The following HBS1L variants were observed in gnomAD, a reference collection of about 807,000 sequenced individuals.
HBS1L encodes HBS1 like translational GTPase.
HBS1L carries 55 observed loss-of-function variants against 88.9 expected under a neutral mutation model. That is an observed-to-expected ratio of 0.62 (90% CI 0.50 to 0.77). The LOEUF is 0.77. Ranked by LOEUF, HBS1L falls within the 30% of genes least tolerant of loss-of-function variation. The pLI is 0.00. For missense variants in HBS1L, 741 were observed against 829.3 expected (o/e 0.89, Z 1.31); for synonymous variants, 267 against 288.5 (o/e 0.93, Z 0.76).
chr6:135,043,848 T>C (rs1357053669), intron 2 of HBS1L, among the ~76,000 whole-genome samples: 1 of 152,228 alleles, frequency 6.6e-6, no homozygotes, highest in East Asian at 1.9e-4. Context: ...CTCATGTCAA[T>C]GGGCTATGAA....
At chr6:134,968,790 A>G (rs1774394844) in intron 16 of HBS1L, among the ~76,000 whole-genome samples, 2 of 151,868 alleles carry the variant, frequency 1.3e-5, no homozygotes, top group South Asian at 4.2e-4. Context: ...ATGGGAAAAG[A>G]GCAGGCACTA....
intron 2 of HBS1L, among the ~76,000 whole-genome samples, chr6:135,046,334 A>T (rs1776910695): frequency 6.7e-6 from 1 of 148,528 alleles, no homozygotes; most frequent in South Asian, 2.2e-4. Flanking sequence ...TAATTTATAA[A>T]TGTATTAGAA....
intron 4 of HBS1L, among the ~76,000 whole-genome samples, chr6:135,024,929 C>T (rs1013825761): frequency 9.2e-5 from 14 of 152,088 alleles, no homozygotes; most frequent in Non-Finnish European, 2.9e-5. Context: ...TTAGTGGCAT[C>T]AAGTTGACAT....
In HBS1L at chr6:134,963,775, G is replaced by A. The variant is rs1406254545; in HGVS notation, c.*1504C>T. On this transcript the variant is annotated 3_prime_UTR_variant, in exon 18 of 18. Coordinates refer to ENST00000367837, the MANE Select transcript of HBS1L (RefSeq NM_006620.4). ...AACCAGCACCAGGGAAGGCAGAGTG[G>A]AGATGAGTCCTTGCTAACATTGTGT... is the stretch of plus-strand genomic sequence containing the variant. 6.6e-6 allele frequency: 1 copy of A among 152,148 alleles called. No homozygotes were observed. Among genetic ancestry groups the A allele is most frequent in the Non-Finnish European group, 1.5e-5 (1 of 68,062 alleles). The allele number at this position is 152,148 out of a possible 1,614,324, so 9.4% of individuals were successfully genotyped here.
At chr6:135,052,860 G>A (rs763635679) in intron 1 of HBS1L, among the ~76,000 whole-genome samples, 1 of 152,196 alleles carries the variant, frequency 6.6e-6, no homozygotes, top group African/African-American at 2.4e-5. Flanking sequence ...GAAAAACAAA[G>A]TGGGAGTTAA....
chr6:135,007,920 T>G (rs372768361), intron 4 of HBS1L, among the ~76,000 whole-genome samples: 12 of 152,194 alleles, frequency 7.9e-5, no homozygotes, highest in East Asian at 3.9e-4. Context: ...GCCCTACCAC[T>G]AATTAGCTGT....
At chr6:135,008,423 C>T (rs1426065723) in intron 4 of HBS1L, among the ~76,000 whole-genome samples, 1 of 152,210 alleles carries the variant, frequency 6.6e-6, no homozygotes, top group Non-Finnish European at 1.5e-5. Flanking sequence ...CCTTTCTCAT[C>T]CTCCAGCTAC....
At chr6:135,015,926 C>G (rs1419271163) in intron 4 of HBS1L, among the ~76,000 whole-genome samples, 2 of 149,026 alleles carry the variant, frequency 1.3e-5, no homozygotes, top group Admixed American at 6.7e-5. Context: ...GTTCTGTTGC[C>G]CAGGCTGGAG....
intron 4 of HBS1L, among the ~76,000 whole-genome samples, chr6:135,009,961 C>T (rs1383068246): frequency 6.6e-6 from 1 of 152,090 alleles, no homozygotes; most frequent in East Asian, 1.9e-4. Flanking sequence ...ATTAGTAAAA[C>T]TGTTTAGAAA....
chr6:134,961,089 G>GTTTTTTTTT lies in HBS1L; in HGVS notation c.*4189_*4190insAAAAAAAAA, dbSNP rs1213918240. 3.9e-5 allele frequency: 2 copies of GTTTTTTTTT among 50,994 alleles called. No homozygotes were observed. Among genetic ancestry groups the GTTTTTTTTT allele is most frequent in the African/African-American group, 7.5e-5 (1 of 13,388 alleles). 3.2% of individuals were successfully genotyped at this position (50,994 alleles called of 1,614,324 possible). On this transcript the variant is annotated 3_prime_UTR_variant, in exon 18 of 18. Coordinates refer to ENST00000367837, the MANE Select transcript of HBS1L (RefSeq NM_006620.4). ...TTTGCTGTACAGACTTAGTTTCTTT[G>GTTTTTTTTT]CTTTTTTTTTTTTTTTTTTTGCATT...
chr6:134,967,341 C>T (rs533250548), intron 16 of HBS1L, among the ~76,000 whole-genome samples: 62 of 152,156 alleles, frequency 4.1e-4, no homozygotes, highest in African/African-American at 1.3e-3. Context: ...AAAAATACAC[C>T]AAAAATTCCA....
chr6:135,019,276 A>G (rs1441189662), intron 4 of HBS1L, among the ~76,000 whole-genome samples: 1 of 151,990 alleles, frequency 6.6e-6, no homozygotes, highest in Non-Finnish European at 1.5e-5. Flanking sequence ...TGTGGAAACT[A>G]GCAGTGAGAA....
intron 4 of HBS1L, among the ~76,000 whole-genome samples, chr6:135,017,807 T>C (rs1474548965): frequency 6.6e-6 from 1 of 151,952 alleles, no homozygotes; most frequent in Non-Finnish European, 1.5e-5. Flanking sequence ...TACTCTGACA[T>C]TGTGAAAAGG....
At chr6:135,036,844 T>C (rs1776567947) in intron 4 of HBS1L, 4 of 1,551,806 alleles carry the variant, frequency 2.6e-6, no homozygotes, top group Non-Finnish European at 3.5e-6. Flanking sequence ...AGAGCCTTTG[T>C]TGTTTTTCTT....
At chr6:135,027,199 A>G (rs1014155156) in intron 4 of HBS1L, 5 of 141,960 alleles carry the variant, frequency 3.5e-5, no homozygotes, top group African/African-American at 1.5e-4. Context: ...AAAAAAAAAA[A>G]AAAAAAAAAA....
chr6:134,997,835 CA>C (rs1775336370), intron 5 of HBS1L, among the ~76,000 whole-genome samples, 179 bp from the exon 6 acceptor site: 1 of 152,056 alleles, frequency 6.6e-6, no homozygotes, highest in Admixed American at 6.6e-5. Context: ...TCAAACCACA[CA>C]AATACAACCG....
Position 134,997,437 on chromosome 6 carries a change from C to T in HBS1L, c.759G>A (p.Lys253=), listed in dbSNP as rs1181325922. ...QQIDVKAELE[K]RQGGKQLLNL... ...TGAGTAGCTGCTTCCCTCCTTGCCG[C>T]TTCTCCAGTTCCGCCTTCACATCTA... The change falls in exon 6 of 18, where the codon AAG becomes AAA. Residue 253 remains lysine (K), a synonymous_variant. Coordinates refer to ENST00000367837, the MANE Select transcript of HBS1L (RefSeq NM_006620.4). The T allele has an allele frequency of 1.2e-6, 2 of 1,613,968 alleles. No homozygotes were observed. The highest frequency in any genetic ancestry group is 4.5e-5 in the East Asian group (2 of 44,882).
intron 2 of HBS1L, among the ~76,000 whole-genome samples, chr6:135,046,359 CA>C (rs36068571): frequency 0.54 from 76,046 of 141,712 alleles, 19,170 homozygotes; most frequent in South Asian, 0.58. Context: ...GTTTTTCTTA[CA>C]AAAAAAAAAA....
rs764806567 is a variant in HBS1L, at chr6:135,050,592, CG to C, written c.98del (p.Ser33CysfsTer29). 1 of 1,591,284 alleles carries C rather than the reference CG, an allele frequency of 6.3e-7. No individual in the cohort carries two copies. Among genetic ancestry groups the C allele is most frequent in the Non-Finnish European group, 8.6e-7 (1 of 1,166,580 alleles). ...GQSVEDDYCISPSTAAQFIYS... is the reference protein window; with the variant it reads ...GQSVEDDYCIXPSTAAQFIYS... ...TTTTTAAAAATTCACCTGTTGACGG[CG>C]AAATACAATAATCATCCTCTACAGA... On this transcript the variant is annotated frameshift_variant, in exon 2 of 18. Coordinates refer to ENST00000367837, the MANE Select transcript of HBS1L (RefSeq NM_006620.4). LOFTEE classifies it high-confidence loss of function.
Sources: allele counts gnomAD v4.1 joint callset (sites outside exome capture counted in the v4.1 genomes callset), GRCh38; gene constraint gnomAD v4.1.1; transcripts MANE v1.5; gene names NCBI Gene and HGNC (gene_info 2026-07-23, HGNC 2026-07-21).